Variants in DDR2 observed in about 807,000 individuals in gnomAD.
DDR2 encodes the protein discoidin domain receptor tyrosine kinase 2.
A neutral mutation model predicts 94.9 loss-of-function variants in DDR2; 27 were observed. The ratio of observed to expected loss-of-function variants is 0.28; its 90% CI spans 0.21 to 0.39. The LOEUF is 0.39. Among genes scored for constraint, DDR2 ranks in the 10% least tolerant of loss-of-function variants. The pLI is 1.00. For missense variants in DDR2, 783 were observed against 1,076.0 expected, an observed-to-expected ratio of 0.73 and a Z score of 3.81; for synonymous variants, 382 against 377.2, an observed-to-expected ratio of 1.01 and a Z score of -0.15.
chr1:162,656,856 T>TTTTTTTTTTTTTTTTTTTTTTTTC lies in DDR2; in HGVS notation c.-28+1484_-28+1485insTTTTTTTTTTTTTTTTTTTTTCTT, dbSNP rs1658005903. Among the ~76,000 whole-genome samples, 2 of 135,562 alleles carry TTTTTTTTTTTTTTTTTTTTTTTTC rather than the reference T, an allele frequency of 1.5e-5. 1 individual carries two copies. The highest frequency in any genetic ancestry group is 3.2e-5 in the Non-Finnish European group (2 of 62,734). The allele number at this position is 135,562 out of a possible 152,430, so 88.9% of individuals were successfully genotyped here. On this transcript the variant is annotated intron_variant, in intron 2 of 17. Transcript: ENST00000367921. ...GAGTTTTTTTTTTTTTTTTATTTTTTTTGTTAACAGGGTTTTGCTCTGTCA... is the reference window on the plus strand; with the variant it reads ...GAGTTTTTTTTTTTTTTTTATTTTTTTTTTTTTTTTTTTTTTTTTTTTTCTTGTTAACAGGGTTTTGCTCTGTCA...
chr1:162,690,134 T>TTACA (rs1659901684), intron 2 of DDR2, among the ~76,000 whole-genome samples: 2 of 152,112 alleles, frequency 1.3e-5, no homozygotes, highest in South Asian at 4.1e-4. Context: ...TCTAAATACT[T>TTACA]TACATGTGTT....
At chr1:162,709,527 C>T (rs551547534) in intron 2 of DDR2, among the ~76,000 whole-genome samples, 1 of 152,188 alleles carries the variant, frequency 6.6e-6, no homozygotes, top group South Asian at 2.1e-4. Context: ...CTTTCAGGTC[C>T]CTTCAGGTTT....
intron 3 of DDR2, among the ~76,000 whole-genome samples, chr1:162,747,134 A>G (rs1297289456): frequency 6.6e-6 from 1 of 152,198 alleles, no homozygotes; most frequent in East Asian, 1.9e-4. Context: ...CAGCTCCTCA[A>G]GAGCAATGGA....
intron 14 of DDR2, among the ~76,000 whole-genome samples, chr1:162,774,493 G>T (rs1268681217): frequency 1.3e-5 from 2 of 152,220 alleles, no homozygotes; most frequent in Non-Finnish European, 2.9e-5. Flanking sequence ...AGAGAGAAAG[G>T]TGAGGAAATG....
chr1:162,713,427 TAA>T (rs1661016649), intron 2 of DDR2, among the ~76,000 whole-genome samples: 1 of 152,192 alleles, frequency 6.6e-6, no homozygotes, highest in African/African-American at 2.4e-5. Context: ...CAAATAAGGC[TAA>T]AGTCTCCCTT....
Position 162,772,240 on chromosome 1 carries a change from T to G in DDR2, c.1721T>G (p.Phe574Cys). 6.2e-7 allele frequency: 1 copy of G among 1,614,138 alleles called. No homozygotes were observed. Among genetic ancestry groups the G allele is most frequent in the Non-Finnish European group, 8.5e-7 (1 of 1,180,010 alleles). ...TFKEKLGEGQFGEVHLCEVEG... is the reference protein window; with the variant it reads ...TFKEKLGEGQCGEVHLCEVEG... Reference sequence around the variant, plus strand: ...AAAGAGAAGCTGGGAGAAGGACAGTTTGGGGAGGTGAGTTGATTCTTTGAT... The same window carrying G: ...AAAGAGAAGCTGGGAGAAGGACAGTGTGGGGAGGTGAGTTGATTCTTTGAT... The change falls in exon 13 of 18, where the codon TTT becomes TGT. Residue 574 changes from phenylalanine to cysteine, a missense_variant. Phe to Cys is a radical substitution (Grantham distance 205). Coordinates refer to ENST00000367921, the MANE Select transcript of DDR2 (RefSeq NM_006182.4).
At chr1:162,636,563 C>T (rs541427700) in intron 1 of DDR2, among the ~76,000 whole-genome samples, 1 of 152,292 alleles carries the variant, frequency 6.6e-6, no homozygotes, top group Admixed American at 6.5e-5. Context: ...AATAGAACTT[C>T]AGATGCGTGA....
In DDR2 at chr1:162,650,518, C is replaced by T. The variant is rs182310058; in HGVS notation, c.-191-4693C>T. Among the ~76,000 whole-genome samples, 825 of 152,198 alleles carry T rather than the reference C, an allele frequency of 5.4e-3. 6 individuals are homozygous for T. Among genetic ancestry groups the T allele is most frequent in the South Asian group, 0.022 (105 of 4,818 alleles). ...GGCTGAGGCAGGAGAATCGCTTGAA[C>T]CTGGGAGGCAGAGGTTGCAGTGAAC... is the stretch of plus-strand genomic sequence containing the variant. On this transcript the variant is annotated intron_variant, in intron 1 of 17. Coordinates refer to ENST00000367921, the MANE Select transcript of DDR2 (RefSeq NM_006182.4).
chr1:162,755,597 C>T (rs1663424547), intron 6 of DDR2, 67 bp from the exon 7 acceptor site: 3 of 1,449,014 alleles, frequency 2.1e-6, no homozygotes, highest in East Asian at 4.5e-5. Flanking sequence ...ACCCTTGAAA[C>T]TCACATAGTT....
chr1:162,698,477 T>C (rs998845690), intron 2 of DDR2, among the ~76,000 whole-genome samples: 3 of 152,156 alleles, frequency 2.0e-5, no homozygotes, highest in African/African-American at 7.2e-5. Flanking sequence ...GCAATATATT[T>C]ACTACACTCT....
chr1:162,753,015 C>T, intron 3 of DDR2, 80 bp from the exon 4 acceptor site: 2 of 1,206,356 alleles, frequency 1.7e-6, no homozygotes, highest in Non-Finnish European at 2.4e-6. Context: ...GTTCAATATT[C>T]AGTGATATTC....
chr1:162,656,213 A>G (rs1023181336), intron 2 of DDR2, among the ~76,000 whole-genome samples: 1 of 152,168 alleles, frequency 6.6e-6, no homozygotes, highest in Non-Finnish European at 1.5e-5. Context: ...TCTAGCATCT[A>G]GCACAGGGTC....
At chr1:162,717,610 T>C (rs1234417133) in intron 2 of DDR2, among the ~76,000 whole-genome samples, 2 of 152,270 alleles carry the variant, frequency 1.3e-5, no homozygotes, top group East Asian at 3.9e-4. Flanking sequence ...TTCTCAGACT[T>C]TCTTGTTTTT....
chr1:162,777,987 C>A (rs146467582), intron 16 of DDR2: 2 of 159,344 alleles, frequency 1.3e-5, no homozygotes, highest in African/African-American at 4.8e-5. Context: ...GCACTCCAGG[C>A]TGGGCAACAT....
chr1:162,764,367 G>C (rs1663889115), intron 9 of DDR2, among the ~76,000 whole-genome samples: 1 of 147,638 alleles, frequency 6.8e-6, no homozygotes, highest in Non-Finnish European at 1.5e-5. Flanking sequence ...AATTTAAATG[G>C]GAAGATGAAA....
intron 13 of DDR2, 182 bp downstream of exon 13, chr1:162,772,429 G>A (rs1647276898): frequency 2.9e-6 from 2 of 678,360 alleles, no homozygotes; most frequent in Admixed American, 2.5e-5. Context: ...AATAGCTGTG[G>A]AGTTCCTGGG....
At chr1:162,775,929 G>A (rs1034778713) in intron 15 of DDR2, 86 bp downstream of exon 15, 17 of 1,559,170 alleles carry the variant, frequency 1.1e-5, no homozygotes, top group African/African-American at 6.8e-5. Flanking sequence ...GCCTTAAAGT[G>A]TATCAATGTT....
In DDR2 at chr1:162,640,925, CTG is replaced by C. The variant is rs567799831; in HGVS notation, c.-192+8296_-192+8297del. On this transcript the variant is annotated intron_variant, in intron 1 of 17. Transcript: ENST00000367921. ...TGTGCGTACTACCACACCTGGCTAACTGTTGTTTTTTGTAGAGATGAGGTTTC... is the reference window on the plus strand; with the variant it reads ...TGTGCGTACTACCACACCTGGCTAACTTGTTTTTTGTAGAGATGAGGTTTC... Among the ~76,000 whole-genome samples the C allele has an allele frequency of 1.5e-3, 231 of 152,224 alleles. 3 individuals carry two copies. The highest frequency in any genetic ancestry group is 5.2e-3 in the African/African-American group (216 of 41,526).
At chr1:162,682,271 T>G (rs1312299557) in intron 2 of DDR2, among the ~76,000 whole-genome samples, 1 of 152,224 alleles carries the variant, frequency 6.6e-6, no homozygotes, top group African/African-American at 2.4e-5. Flanking sequence ...CCCCAGTCAC[T>G]TGGCCTGCCA....
Sources: allele counts gnomAD v4.1 joint callset (sites outside exome capture counted in the v4.1 genomes callset), GRCh38; gene constraint gnomAD v4.1.1; transcripts MANE v1.5; gene names NCBI Gene and HGNC (gene_info 2026-07-23, HGNC 2026-07-21).